The following GRM7 variants were observed in gnomAD, a reference collection of about 807,000 sequenced individuals.
GRM7 encodes glutamate metabotropic receptor 7, also known as metabotropic glutamate receptor 7.
GRM7 carries 35 observed loss-of-function variants against 84.5 expected under a neutral mutation model. The observed-to-expected ratio is 0.41, with a 90% CI of 0.32 to 0.55. The LOEUF is 0.55. GRM7 is among the 20% of genes least tolerant of loss of function. The pLI, the probability that GRM7 is intolerant of heterozygous loss-of-function variation, is 0.19. For missense variants in GRM7, 1,003 were observed against 1,194.6 expected (o/e 0.84, Z 2.36); for synonymous variants, 487 against 455.1 (o/e 1.07, Z -0.89).
intron 7 of GRM7, among the ~76,000 whole-genome samples, chr3:7,517,741 C>T (rs893317326): frequency 5.9e-5 from 9 of 152,080 alleles, no homozygotes; most frequent in Admixed American, 1.3e-4. Context: ...AGGTCTTATC[C>T]GGGCCAGGTA....
chr3:7,369,344 C>T (rs1352445737), intron 4 of GRM7, among the ~76,000 whole-genome samples: 1 of 152,058 alleles, frequency 6.6e-6, no homozygotes, highest in Non-Finnish European at 1.5e-5. Flanking sequence ...CATATCTAGG[C>T]AGGTCTCATG....
intron 1 of GRM7, among the ~76,000 whole-genome samples, chr3:7,057,658 A>G (rs926387467): frequency 4.6e-5 from 7 of 151,962 alleles, no homozygotes; most frequent in Non-Finnish European, 1.0e-4. Context: ...AGAATATCTT[A>G]ATGTTTGAGT....
intron 1 of GRM7, among the ~76,000 whole-genome samples, chr3:7,134,520 T>G (rs979248376): frequency 2.6e-5 from 4 of 152,168 alleles, no homozygotes; most frequent in Admixed American, 2.6e-4. Flanking sequence ...GTTCCTTTCA[T>G]CTAGAAATTC....
At chr3:7,591,502 C>G (rs541272960) in intron 8 of GRM7, 1 of 441,070 alleles carries the variant, frequency 2.3e-6, no homozygotes, top group Non-Finnish European at 4.5e-6. Context: ...ATATGAATAA[C>G]TTTTCACCCA....
At chr3:7,147,421 A>T (rs1694146652) in intron 2 of GRM7, among the ~76,000 whole-genome samples, 1 of 152,030 alleles carries the variant, frequency 6.6e-6, no homozygotes, top group South Asian at 2.1e-4. Flanking sequence ...ATGCTTAGAT[A>T]TTCCCACACT....
chr3:7,488,091 C>G (rs1219528044), intron 7 of GRM7, among the ~76,000 whole-genome samples: 2 of 152,158 alleles, frequency 1.3e-5, no homozygotes, highest in South Asian at 2.1e-4. Context: ...TTACTTTGTT[C>G]CAGTTGCTCC....
chr3:6,955,196 G>A (rs1463426952), intron 1 of GRM7, among the ~76,000 whole-genome samples: 1 of 152,064 alleles, frequency 6.6e-6, no homozygotes, highest in African/African-American at 2.4e-5. Flanking sequence ...AAACAAGATT[G>A]TAAACAATTA....
intron 2 of GRM7, among the ~76,000 whole-genome samples, chr3:7,238,735 T>G (rs1241958209): frequency 1.3e-5 from 2 of 150,044 alleles, no homozygotes; most frequent in Non-Finnish European, 2.9e-5. Context: ...TATTCTTTTC[T>G]TTTTTTTCTT....
chr3:7,717,196 T>TTA (rs147684816), intron 9 of GRM7, among the ~76,000 whole-genome samples: 2,166 of 152,244 alleles, frequency 0.014, 51 homozygotes, highest in African/African-American at 0.05. Context: ...AATGGATGAA[T>TTA]TATAGATGGG....
chr3:7,149,543 C>G (rs189037760), intron 2 of GRM7, among the ~76,000 whole-genome samples: 45 of 152,226 alleles, frequency 3.0e-4, no homozygotes, highest in African/African-American at 1.0e-3. Context: ...TCTTTACCTG[C>G]AGGCTCGAAA....
chr3:7,652,168 A>AAGTT (rs1317310081), intron 8 of GRM7, among the ~76,000 whole-genome samples: 8 of 152,198 alleles, frequency 5.3e-5, no homozygotes, highest in Non-Finnish European at 8.8e-5. Context: ...AATGACTATG[A>AAGTT]AGTTAGTCTT....
chr3:7,239,617 A>G (rs1697474813), intron 2 of GRM7, among the ~76,000 whole-genome samples: 1 of 152,194 alleles, frequency 6.6e-6, no homozygotes, highest in Non-Finnish European at 1.5e-5. Flanking sequence ...TGGGCTCAGT[A>G]AAGCAGATGG....
intron 7 of GRM7, among the ~76,000 whole-genome samples, chr3:7,462,768 C>G: frequency 6.6e-6 from 1 of 152,076 alleles, no homozygotes; most frequent in Non-Finnish European, 1.5e-5. Flanking sequence ...CCAGTTCTCC[C>G]CATTGTGAGG....
chr3:7,422,760 C>T (rs1293146412), intron 5 of GRM7, among the ~76,000 whole-genome samples: 2 of 152,056 alleles, frequency 1.3e-5, no homozygotes, highest in East Asian at 3.8e-4. Context: ...TTCTTTTTTA[C>T]TTCCATTGTT....
chr3:6,947,005 G>C (rs961610752), intron 1 of GRM7, among the ~76,000 whole-genome samples: 23 of 152,124 alleles, frequency 1.5e-4, no homozygotes, highest in African/African-American at 5.5e-4. Flanking sequence ...CAAACAGGGA[G>C]AATTTGACTT....
At chr3:7,065,734 G>A (rs891401094) in intron 1 of GRM7, among the ~76,000 whole-genome samples, 2 of 151,664 alleles carry the variant, frequency 1.3e-5, no homozygotes, top group African/African-American at 4.8e-5. Context: ...AAGAATGATG[G>A]TGGTCTTCAG....
At chr3:7,134,429 GTCATCATCA>G (rs59201451) in intron 1 of GRM7, among the ~76,000 whole-genome samples, 11 of 150,736 alleles carry the variant, frequency 7.3e-5, no homozygotes, top group South Asian at 4.2e-4. Context: ...CATCATCATC[GTCATCATCA>G]TCATCATCAT....
intron 1 of GRM7, among the ~76,000 whole-genome samples, chr3:6,993,095 T>C (rs1694704989): frequency 1.3e-5 from 2 of 152,232 alleles, no homozygotes; most frequent in African/African-American, 4.8e-5. Context: ...AAAGCAAACA[T>C]GTCTTTCTTC....
intron 1 of GRM7, among the ~76,000 whole-genome samples, chr3:7,020,632 T>C (rs1044297702): frequency 6.6e-6 from 1 of 152,176 alleles, no homozygotes; most frequent in Non-Finnish European, 1.5e-5. Context: ...TTCGAATGAA[T>C]GTAATTGCAA....
Sources: gnomAD v4.1 joint callset for allele counts (sites outside exome capture counted in the v4.1 genomes callset) on GRCh38, gnomAD v4.1.1 for gene constraint, MANE v1.5 for transcripts, NCBI Gene and HGNC (gene_info 2026-07-23, HGNC 2026-07-21) for gene names.